The following UVRAG variants were observed in gnomAD, a reference collection of about 807,000 sequenced individuals.
UVRAG encodes UV radiation resistance associated.
In UVRAG, 19 loss-of-function variants were observed where a neutral mutation model predicts 78.0. That is an observed-to-expected ratio of 0.24 (90% CI 0.17 to 0.36). UVRAG has a LOEUF of 0.36. Among genes scored for constraint, UVRAG ranks in the 10% least tolerant of loss-of-function variants. The pLI, the probability that UVRAG is intolerant of heterozygous loss-of-function variation, is 1.00. For synonymous variants in UVRAG, 323 were observed against 324.6 expected (o/e 1.00, Z 0.05); for missense variants, 740 against 853.8 (o/e 0.87, Z 1.66).
At chr11:75,925,096 A>T (rs1381327447) in intron 6 of UVRAG, among the ~76,000 whole-genome samples, 1 of 152,146 alleles carries the variant, frequency 6.6e-6, no homozygotes, top group African/African-American at 2.4e-5. Context: ...CTGGACTAAG[A>T]CTGCTTTGTT....
In UVRAG at chr11:76,087,178, G is replaced by A. The variant is rs545602983; in HGVS notation, c.1305+21390G>A. 3.9e-4 allele frequency among the ~76,000 whole-genome samples: 59 copies of A among 152,270 alleles called. No individual in the cohort carries two copies. In the South Asian group the frequency reaches 0.012, roughly 31 times the overall value. On this transcript the variant is annotated intron_variant, in intron 13 of 14. Transcript: ENST00000356136. ...TCTACATGCGCACACACATACATGT[G>A]CTTGTGAATGTGTGTGTAGGTACAT...
At chr11:75,863,513 A>G (rs1053988049) in intron 3 of UVRAG, among the ~76,000 whole-genome samples, 2 of 152,218 alleles carry the variant, frequency 1.3e-5, no homozygotes, top group Non-Finnish European at 2.9e-5. Flanking sequence ...ACCCTATGTC[A>G]TAATGGCACT....
chr11:75,932,531 G>T (rs754604425), intron 6 of UVRAG, among the ~76,000 whole-genome samples: 4 of 151,986 alleles, frequency 2.6e-5, no homozygotes, highest in African/African-American at 4.8e-5. Context: ...TGATCTGCCC[G>T]CCTCGGCCTC....
chr11:76,003,865 C>CA (rs1024687226), intron 8 of UVRAG, 140 bp from the exon 9 acceptor site: 2 of 705,404 alleles, frequency 2.8e-6, no homozygotes, highest in Admixed American at 4.8e-5. Flanking sequence ...CTACTCTCCC[C>CA]AAAAAATCTC....
intron 3 of UVRAG, among the ~76,000 whole-genome samples, chr11:75,874,844 T>C (rs1044000302): frequency 6.6e-6 from 1 of 152,230 alleles, no homozygotes; most frequent in Non-Finnish European, 1.5e-5. Flanking sequence ...GGCTTCATTA[T>C]AGCACTTTCC....
intron 6 of UVRAG, among the ~76,000 whole-genome samples, chr11:75,928,775 T>G (rs1948166935): frequency 6.8e-6 from 1 of 147,374 alleles, no homozygotes; most frequent in African/African-American, 2.6e-5. Flanking sequence ...CCGTCTTTAC[T>G]AAAAATACAA....
chr11:76,046,013 A>G lies in UVRAG; in HGVS notation c.1227-19697A>G, dbSNP rs1194612928. Among the ~76,000 whole-genome samples, 4 of 152,180 alleles carry G rather than the reference A, an allele frequency of 2.6e-5. No individual in the cohort carries two copies. In the East Asian group the frequency reaches 5.8e-4, roughly 22 times the overall value. ...TAAAGTGAAGATTCTAAAAGCTTGCAGAGAAAAAAAAATACATACAAAGGA... is the reference window on the plus strand; with the variant it reads ...TAAAGTGAAGATTCTAAAAGCTTGCGGAGAAAAAAAAATACATACAAAGGA... On this transcript the variant is annotated intron_variant, in intron 12 of 14. Transcript: ENST00000356136.
At chr11:75,991,739 T>C (rs1214646816) in intron 8 of UVRAG, among the ~76,000 whole-genome samples, 1 of 152,130 alleles carries the variant, frequency 6.6e-6, no homozygotes, top group African/African-American at 2.4e-5. Context: ...GATAGGGAGA[T>C]ATAGTTCTTT....
intron 5 of UVRAG, among the ~76,000 whole-genome samples, chr11:75,909,896 A>G (rs1306908653): frequency 6.6e-6 from 1 of 152,114 alleles, no homozygotes; most frequent in Non-Finnish European, 1.5e-5. Context: ...TTTTGGCATC[A>G]GTAATGCTAG....
intron 6 of UVRAG, among the ~76,000 whole-genome samples, chr11:75,920,612 ACCAC>A (rs917453367): frequency 9.5e-4 from 145 of 152,032 alleles, no homozygotes; most frequent in African/African-American, 3.4e-3. Flanking sequence ...CTGCCAGCAA[ACCAC>A]CCAAACACAG....
At chr11:76,082,292 G>A (rs1951509603) in intron 13 of UVRAG, among the ~76,000 whole-genome samples, 1 of 152,154 alleles carries the variant, frequency 6.6e-6, no homozygotes, top group Admixed American at 6.5e-5. Context: ...TGTAATCCCA[G>A]CACTTTGGGA....
intron 6 of UVRAG, among the ~76,000 whole-genome samples, chr11:75,953,130 A>G (rs1320028068): frequency 6.6e-6 from 1 of 152,032 alleles, no homozygotes; most frequent in African/African-American, 2.4e-5. Flanking sequence ...ATTTGTTTTC[A>G]AGCATCATTC....
At chr11:76,053,257 G>T (rs927073802) in intron 12 of UVRAG, among the ~76,000 whole-genome samples, 2 of 151,132 alleles carry the variant, frequency 1.3e-5, no homozygotes, top group African/African-American at 4.9e-5. Flanking sequence ...AGTGAGCCCA[G>T]ATCATACCAC....
At chr11:75,897,417 G>A (rs1364982509) in intron 5 of UVRAG, among the ~76,000 whole-genome samples, 1 of 152,144 alleles carries the variant, frequency 6.6e-6, no homozygotes, top group Non-Finnish European at 1.5e-5. Context: ...CTCTTATTTT[G>A]TAGATGGAAA....
Position 76,130,976 on chromosome 11 carries a change from G to GT in UVRAG, c.1398-9732dup, listed in dbSNP as rs149150608. ...TTTTCCCTGGTTTTCAGCATAAACA[G>GT]TTTATTATTCCCAAGTATCAAGTGT... On this transcript the variant is annotated intron_variant, in intron 14 of 14. Coordinates refer to ENST00000356136, the MANE Select transcript of UVRAG (RefSeq NM_003369.4). 4.1e-3 allele frequency among the ~76,000 whole-genome samples: 622 copies of GT among 151,364 alleles called. 3 individuals are homozygous for GT. The highest frequency in any genetic ancestry group is 0.014 in the African/African-American group (592 of 41,230).
chr11:76,017,031 A>C lies in UVRAG; in HGVS notation c.1226+51A>C, dbSNP rs781277737. 18 of 1,387,750 alleles carry C rather than the reference A, an allele frequency of 1.3e-5. No homozygotes were observed. In the Admixed American group the frequency reaches 2.1e-4, roughly 17 times the overall value. 86.0% of individuals were successfully genotyped at this position (1,387,750 alleles called of 1,614,324 possible). On this transcript the variant is annotated intron_variant, in intron 12 of 14. Coordinates refer to ENST00000356136, the MANE Select transcript of UVRAG (RefSeq NM_003369.4). ...GATTTTAACATCAAGCCAGTATAAA[A>C]CATGGGGTATAACAAAATACATAAA...
intron 13 of UVRAG, among the ~76,000 whole-genome samples, chr11:76,085,215 G>A (rs1285260224): frequency 1.3e-5 from 2 of 152,018 alleles, no homozygotes; most frequent in African/African-American, 4.8e-5. Flanking sequence ...TTTATCATTT[G>A]AGGAATCCAT....
At chr11:76,007,683 T>G in intron 10 of UVRAG, 62 bp downstream of exon 10, 5 of 1,326,532 alleles carry the variant, frequency 3.8e-6, no homozygotes, top group Non-Finnish European at 5.4e-6. Flanking sequence ...GTATGACATT[T>G]CCTCTCAATG....
intron 14 of UVRAG, among the ~76,000 whole-genome samples, chr11:76,138,229 G>A (rs926079298): frequency 6.6e-6 from 1 of 152,198 alleles, no homozygotes; most frequent in Non-Finnish European, 1.5e-5. Context: ...GTTCCCTTGT[G>A]GGACACAATA....
Sources: gnomAD v4.1 joint callset for allele counts (sites outside exome capture counted in the v4.1 genomes callset) on GRCh38, gnomAD v4.1.1 for gene constraint, MANE v1.5 for transcripts, NCBI Gene and HGNC (gene_info 2026-07-23, HGNC 2026-07-21) for gene names.